Variants in GLP2R observed in about 807,000 individuals in gnomAD.
The protein encoded by GLP2R is glucagon like peptide 2 receptor.
GLP2R carries 59 observed loss-of-function variants against 68.2 expected under a neutral mutation model. The ratio of observed to expected loss-of-function variants is 0.87; its 90% confidence interval spans 0.70 to 1.07. The LOEUF (loss-of-function observed/expected upper bound fraction) is 1.07, where lower values mean the gene tolerates loss of function less well. Among genes scored for constraint, GLP2R ranks in the 50% least tolerant of loss-of-function variants. The pLI is 0.00. For missense variants in GLP2R, 548 were observed against 677.4 expected (o/e 0.81, Z 2.12); for synonymous variants, 270 against 265.4 (o/e 1.02, Z -0.17).
At chr17:9,868,373 C>T (rs1182093715) in intron 9 of GLP2R, among the ~76,000 whole-genome samples, 1 of 152,134 alleles carries the variant, frequency 6.6e-6, no homozygotes, top group African/African-American at 2.4e-5. Context: ...ATCACCTCTG[C>T]CAACTTGTAG....
chr17:9,849,579 C>T (rs1281247537), intron 4 of GLP2R, among the ~76,000 whole-genome samples: 1 of 144,094 alleles, frequency 6.9e-6, no homozygotes, highest in Non-Finnish European at 1.5e-5. Context: ...CTATGACCAT[C>T]TGGGTTATTT....
At chr17:9,888,048 G>T (rs1201435113) in intron 12 of GLP2R, 75 bp downstream of exon 12, 9 of 1,013,208 alleles carry the variant, frequency 8.9e-6, no homozygotes, top group African/African-American at 3.2e-5. Context: ...GGAGGTTTCT[G>T]TGGATGGGAT....
At chr17:9,831,720 G>C (rs1245635046) in intron 1 of GLP2R, among the ~76,000 whole-genome samples, 1 of 152,160 alleles carries the variant, frequency 6.6e-6, no homozygotes. Flanking sequence ...AGGCAGGAGA[G>C]CCCTGTGCTC....
In GLP2R at chr17:9,834,026, G is replaced by A. The variant is rs991359234; in HGVS notation, c.277+132G>A. On this transcript the variant is annotated intron_variant, in intron 2 of 12. Coordinates refer to ENST00000262441, the MANE Select transcript of GLP2R (RefSeq NM_004246.3). ...GAGGAATTCAGACAGGGCACACTGG[G>A]GATGGCTTGTTTCCGCTCTGTAATG... 9.7e-6 allele frequency: 7 copies of A among 721,114 alleles called. No individual in the cohort carries two copies. The East Asian group carries it at 1.6e-4, about 17-fold the overall frequency. The allele number at this position is 721,114 out of a possible 1,614,324, so 44.7% of individuals were successfully genotyped here. A position where few individuals can be genotyped will look rare whatever the true frequency, so the allele number is the denominator to read the frequency against.
chr17:9,830,869 G>A (rs2066673690), intron 1 of GLP2R, among the ~76,000 whole-genome samples: 1 of 152,216 alleles, frequency 6.6e-6, no homozygotes, highest in Non-Finnish European at 1.5e-5. Flanking sequence ...AAATAAAGGT[G>A]GTGGCATCCG....
chr17:9,845,733 T>A (rs2066830613), intron 4 of GLP2R, among the ~76,000 whole-genome samples: 1 of 133,478 alleles, frequency 7.5e-6, no homozygotes, highest in African/African-American at 3.1e-5. Flanking sequence ...TTGGTTGGAT[T>A]TATGTGTGTG....
At chr17:9,874,461 G>C (rs1413275702) in intron 10 of GLP2R, among the ~76,000 whole-genome samples, 1 of 152,118 alleles carries the variant, frequency 6.6e-6, no homozygotes, top group East Asian at 1.9e-4. Context: ...AGGAGTTCTA[G>C]ACCAGCCTGA....
intron 10 of GLP2R, among the ~76,000 whole-genome samples, chr17:9,876,173 G>A (rs574601961): frequency 7.9e-5 from 12 of 152,268 alleles, no homozygotes; most frequent in South Asian, 6.2e-4. Context: ...CACTGCGCCC[G>A]GCCCGACAAG....
intron 6 of GLP2R, among the ~76,000 whole-genome samples, chr17:9,859,243 C>T (rs927018932): frequency 6.6e-6 from 1 of 152,108 alleles, no homozygotes; most frequent in African/African-American, 2.4e-5. Flanking sequence ...AGTCTATTTT[C>T]TAATTTCCAA....
Position 9,890,022 on chromosome 17 carries a change from A to G in GLP2R, c.*317A>G, listed in dbSNP as rs1481722393. Reference sequence around the variant, plus strand: ...ACCATGAAGAGAGGTCTCCTGTTATAGAGAAGCCAGCCAATATCTCTTCCT... The same window carrying G: ...ACCATGAAGAGAGGTCTCCTGTTATGGAGAAGCCAGCCAATATCTCTTCCT... On this transcript the variant is annotated 3_prime_UTR_variant, in exon 13 of 13. Transcript: ENST00000262441. The G allele has an allele frequency of 2.1e-6, 1 of 486,796 alleles. No homozygotes were observed. The highest frequency in any genetic ancestry group is 2.3e-5 in the Admixed American group (1 of 43,370). The allele number at this position is 486,796 out of a possible 1,614,324, so 30.2% of individuals were successfully genotyped here.
chr17:9,882,991 C>CAAAAAAAAAAA, intron 11 of GLP2R, among the ~76,000 whole-genome samples: 1 of 126,108 alleles, frequency 7.9e-6, no homozygotes, highest in Non-Finnish European at 1.7e-5. Context: ...ATACTCAGGA[C>CAAAAAAAAAAA]AAAAAAAAAA....
chr17:9,870,785 C>A lies in GLP2R; in HGVS notation c.1095C>A (p.Leu365=). The A allele has an allele frequency of 6.3e-7, 1 of 1,585,138 alleles. No individual in the cohort carries two copies. Among genetic ancestry groups the A allele is most frequent in the South Asian group, 1.1e-5 (1 of 90,492 alleles). The change falls in exon 10 of 13, where the codon CTC becomes CTA. Residue 365 remains leucine (L), a synonymous_variant. Transcript: ENST00000262441. ...TCTTCCTGAAAATTCTCAAGCTTCT[C>A]ATTTCTAAGCTCAAAGCTCATCAAA... is the stretch of plus-strand genomic sequence containing the variant. ...FFIFLKILKL[L]ISKLKAHQMC...
Position 9,842,616 on chromosome 17 carries a change from C to T in GLP2R, c.504C>T (p.Asn168=), listed in dbSNP as rs754857667. The part of the protein sequence containing the change: ...ECSENHSFKQ[N]VDRYALLSTL... ...CCGAGAACCACAGCTTCAAGCAAAA[C>T]GTGAGTTTGCTCAGCTCAGTGAGGA... Residue 168 remains asparagine, a splice_region_variant and synonymous_variant, in exon 4 of 13, where the codon AAC becomes AAT. Transcript: ENST00000262441. The T allele has an allele frequency of 8.7e-6, 14 of 1,613,320 alleles. No homozygotes were observed. Among genetic ancestry groups the T allele is most frequent in the East Asian group, 2.2e-5 (1 of 44,864 alleles).
At chr17:9,868,309 T>G (rs924698177) in intron 9 of GLP2R, among the ~76,000 whole-genome samples, 1 of 152,076 alleles carries the variant, frequency 6.6e-6, no homozygotes, top group East Asian at 1.9e-4. Flanking sequence ...TGGCGGTAGA[T>G]GGAAGAGTTT....
intron 10 of GLP2R, among the ~76,000 whole-genome samples, chr17:9,874,733 T>C (rs563853500): frequency 6.6e-6 from 1 of 152,296 alleles, no homozygotes; most frequent in South Asian, 2.1e-4. Flanking sequence ...GGGTAGAGCA[T>C]TCCTTTCTTG....
intron 10 of GLP2R, among the ~76,000 whole-genome samples, chr17:9,880,052 C>T (rs1268074849): frequency 6.6e-6 from 1 of 152,028 alleles, no homozygotes; most frequent in Non-Finnish European, 1.5e-5. Flanking sequence ...GTGGAGTGTC[C>T]CAGGGTGGCA....
intron 10 of GLP2R, 134 bp from the exon 11 acceptor site, chr17:9,880,244 G>A (rs2067183077): frequency 4.7e-6 from 3 of 637,850 alleles, no homozygotes; most frequent in South Asian, 4.6e-5. Flanking sequence ...GTTAAATGTT[G>A]TAGTGAAGGA....
At chr17:9,837,593 A>T (rs927662053) in intron 3 of GLP2R, among the ~76,000 whole-genome samples, 1 of 152,158 alleles carries the variant, frequency 6.6e-6, no homozygotes, top group Non-Finnish European at 1.5e-5. Context: ...CTCCCATGGG[A>T]CTTGGATGGA....
chr17:9,852,916 A>T, intron 4 of GLP2R: 1 of 484,612 alleles, frequency 2.1e-6, no homozygotes, highest in Non-Finnish European at 3.9e-6. Flanking sequence ...TATACTTAAG[A>T]GTTTCACATT....
Sources: allele counts gnomAD v4.1 joint callset (sites outside exome capture counted in the v4.1 genomes callset), GRCh38; gene constraint gnomAD v4.1.1; transcripts MANE v1.5; gene names NCBI Gene and HGNC (gene_info 2026-07-23, HGNC 2026-07-21).